The following DNAH5 variants were observed in gnomAD, a reference collection of about 807,000 sequenced individuals.
DNAH5 encodes the protein axonemal beta dynein heavy chain 5.
A neutral mutation model predicts 518.2 loss-of-function variants in DNAH5; 372 were observed. That is an observed-to-expected ratio of 0.72 (90% CI 0.66 to 0.78). The LOEUF is 0.78. Ranked by LOEUF, DNAH5 falls within the 30% of genes least tolerant of loss-of-function variation. DNAH5 has a pLI of 0.00. For missense variants in DNAH5, 5,523 were observed against 5,687.0 expected (o/e 0.97, Z 0.93); for synonymous variants, 2,039 against 2,025.9 (o/e 1.01, Z -0.17).
chr5:13,798,731 TTTTA>T (rs151337714), intron 47 of DNAH5, among the ~76,000 whole-genome samples: 31,708 of 88,720 alleles, frequency 0.36, 3,801 homozygotes, highest in East Asian at 0.56. Context: ...TTCATCATGA[TTTTA>T]TTTATTTTAT....
At chr5:13,859,802 T>C (rs1768139432) in intron 29 of DNAH5, among the ~76,000 whole-genome samples, 197 bp from the exon 30 acceptor site, 3 of 152,180 alleles carry the variant, frequency 2.0e-5, no homozygotes, top group Admixed American at 2.0e-4. Flanking sequence ...TTTTTCCCTT[T>C]TGATCCAGAG....
chr5:13,732,428 G>A (rs575870037), intron 68 of DNAH5, among the ~76,000 whole-genome samples: 9 of 152,152 alleles, frequency 5.9e-5, no homozygotes, highest in African/African-American at 2.2e-4. Context: ...GTGCAGTGGC[G>A]CAATCTCGGC....
intron 30 of DNAH5, among the ~76,000 whole-genome samples, chr5:13,854,645 T>A (rs1767358323): frequency 6.6e-6 from 1 of 152,018 alleles, no homozygotes; most frequent in Admixed American, 6.6e-5. Flanking sequence ...AAGACACACA[T>A]AGGCTCAAAA....
At chr5:13,807,762 T>C in intron 46 of DNAH5, 37 bp from the exon 47 acceptor site, 1 of 1,560,184 alleles carries the variant, frequency 6.4e-7, no homozygotes, top group South Asian at 1.2e-5. Context: ...AGAAATGAAA[T>C]AAATGAGTGT....
In DNAH5 at chr5:13,876,733, ATC is replaced by A; in HGVS notation, c.3345_3346del (p.Glu1115AspfsTer9). 1 of 1,613,916 alleles carries A rather than the reference ATC, an allele frequency of 6.2e-7. No individual in the cohort carries two copies. Among genetic ancestry groups the A allele is most frequent in the Non-Finnish European group, 8.5e-7 (1 of 1,179,878 alleles). On this transcript the variant is annotated frameshift_variant, in exon 22 of 79. Coordinates refer to ENST00000265104, the MANE Select transcript of DNAH5 (RefSeq NM_001369.3). LOFTEE classifies it high-confidence loss of function. Reference sequence around the variant, plus strand: ...GCTAAGCACAGAAACTAATTTTACAATCTCTTTGTTTTCAGAAACATTCTTAT... The same window carrying A: ...GCTAAGCACAGAAACTAATTTTACAATCTTTGTTTTCAGAAACATTCTTAT...
At chr5:13,728,894 G>C (rs913812020) in intron 69 of DNAH5, among the ~76,000 whole-genome samples, 1 of 152,120 alleles carries the variant, frequency 6.6e-6, no homozygotes, top group Non-Finnish European at 1.5e-5. Flanking sequence ...AGTTCATCAG[G>C]AGCTGGCTGA....
intron 62 of DNAH5, 134 bp downstream of exon 62, chr5:13,754,069 G>T: frequency 2.0e-6 from 2 of 1,023,760 alleles, no homozygotes; most frequent in Non-Finnish European, 3.0e-6. Context: ...GGGTACATGC[G>T]CACAATGTGC....
At chr5:13,791,758 T>G (rs1370947282) in intron 50 of DNAH5, among the ~76,000 whole-genome samples, 1 of 152,190 alleles carries the variant, frequency 6.6e-6, no homozygotes, top group African/African-American at 2.4e-5. Context: ...CATTAAAAAA[T>G]AATTGTGTAT....
intron 1 of DNAH5, among the ~76,000 whole-genome samples, chr5:13,989,726 A>G (rs545436858): frequency 6.6e-6 from 1 of 152,192 alleles, no homozygotes; most frequent in South Asian, 2.1e-4. Context: ...CTCGTAATCC[A>G]GCCACCTCGG....
chr5:13,876,272 T>C (rs1770876381), intron 22 of DNAH5, among the ~76,000 whole-genome samples: 1 of 152,210 alleles, frequency 6.6e-6, no homozygotes, highest in African/African-American at 2.4e-5. Context: ...AATTTTTATC[T>C]GATATTTTAT....
chr5:13,894,543 C>T, intron 16 of DNAH5, 107 bp downstream of exon 16: 2 of 1,210,552 alleles, frequency 1.7e-6, no homozygotes, highest in Admixed American at 1.8e-5. Flanking sequence ...AAGAATAACA[C>T]TCCCCATTTC....
chr5:13,767,589 G>A (rs985479391), intron 58 of DNAH5, among the ~76,000 whole-genome samples: 1 of 152,102 alleles, frequency 6.6e-6, no homozygotes, highest in African/African-American at 2.4e-5. Context: ...AGTAGGGTAG[G>A]GTCAAATTAA....
chr5:13,915,068 G>A (rs761901230), intron 9 of DNAH5, among the ~76,000 whole-genome samples: 1 of 152,074 alleles, frequency 6.6e-6, no homozygotes, highest in African/African-American at 2.4e-5. Flanking sequence ...AATGTCAAAA[G>A]GAGAAGGCCG....
At chr5:13,761,466 G>A (rs1036076734) in intron 60 of DNAH5, among the ~76,000 whole-genome samples, 23 of 152,022 alleles carry the variant, frequency 1.5e-4, no homozygotes, top group South Asian at 6.3e-4. Flanking sequence ...GGTGGTGGGC[G>A]CCTGTAGTCC....
chr5:13,880,330 A>C (rs1287697869), intron 21 of DNAH5, among the ~76,000 whole-genome samples: 2 of 152,168 alleles, frequency 1.3e-5, no homozygotes, highest in African/African-American at 4.8e-5. Context: ...GAAGATGCTT[A>C]TTAGTAACAT....
At chr5:13,730,035 T>TAG (rs1746273251) in intron 68 of DNAH5, among the ~76,000 whole-genome samples, 1 of 152,230 alleles carries the variant, frequency 6.6e-6, no homozygotes, top group Non-Finnish European at 1.5e-5. Flanking sequence ...GAAATGTTAG[T>TAG]AGTACTAGAT....
chr5:13,948,867 T>C (rs970553573), upstream of DNAH5, among the ~76,000 whole-genome samples: 3 of 152,146 alleles, frequency 2.0e-5, no homozygotes, highest in East Asian at 3.8e-4. Context: ...GAAACTGTGG[T>C]CACCCAAACA....
At chr5:13,867,626 G>T in intron 25 of DNAH5, 148 bp downstream of exon 25, 1 of 709,626 alleles carries the variant, frequency 1.4e-6, no homozygotes. Flanking sequence ...GAAAAAAAAT[G>T]TTTTTCTCTC....
intron 40 of DNAH5, among the ~76,000 whole-genome samples, chr5:13,821,752 G>A (rs200873656): frequency 5.9e-5 from 9 of 151,988 alleles, no homozygotes; most frequent in East Asian, 1.9e-4. Flanking sequence ...AATTACTAAC[G>A]TAAGTCATCA....
Sources: allele counts gnomAD v4.1 joint callset (sites outside exome capture counted in the v4.1 genomes callset), GRCh38; gene constraint gnomAD v4.1.1; transcripts MANE v1.5; gene names NCBI Gene and HGNC (gene_info 2026-07-23, HGNC 2026-07-21).